DLGAP2: variants seen among roughly 807,000 people sequenced by gnomAD.
DLGAP2 encodes DLG associated protein 2, also known as disks large-associated protein 2.
Under a neutral mutation model 100.3 loss-of-function variants are expected in DLGAP2, and 26 were observed. The observed-to-expected ratio is 0.26, with a 90% CI of 0.19 to 0.36. The LOEUF (loss-of-function observed/expected upper bound fraction) is 0.36, where lower values mean the gene tolerates loss of function less well. Ranked by LOEUF, DLGAP2 falls within the 10% of genes least tolerant of loss-of-function variation. The pLI, the probability that DLGAP2 is intolerant of heterozygous loss-of-function variation, is 1.00. For missense variants in DLGAP2, 1,858 were observed against 1,453.2 expected (o/e 1.28, Z -4.53); for synonymous variants, 886 against 630.1 (o/e 1.41, Z -6.08).
chr8:1,699,676 A>G (rs1799513688), intron 14 of DLGAP2, among the ~76,000 whole-genome samples: 1 of 152,008 alleles, frequency 6.6e-6, no homozygotes, highest in African/African-American at 2.4e-5. Flanking sequence ...CCAGTCCAGA[A>G]AGCGAGCAGA....
chr8:1,269,471 G>A (rs1328262914), intron 3 of DLGAP2, among the ~76,000 whole-genome samples: 3 of 152,154 alleles, frequency 2.0e-5, no homozygotes. Context: ...ACACATTTGA[G>A]CTGAGTTTTA....
chr8:1,175,439 A>C (rs1268642369), intron 2 of DLGAP2, among the ~76,000 whole-genome samples: 3 of 152,226 alleles, frequency 2.0e-5, no homozygotes, highest in Non-Finnish European at 4.4e-5. Flanking sequence ...CTTCATTTAT[A>C]AAAAGGAAAC....
At chr8:1,044,716 C>T (rs531737805) in intron 2 of DLGAP2, among the ~76,000 whole-genome samples, 1 of 152,336 alleles carries the variant, frequency 6.6e-6, no homozygotes, top group East Asian at 1.9e-4. Flanking sequence ...TGCTGAGCTA[C>T]TCCTTGCCAC....
intron 2 of DLGAP2, among the ~76,000 whole-genome samples, chr8:1,173,472 C>T (rs922207551): frequency 2.6e-5 from 4 of 152,176 alleles, no homozygotes; most frequent in Admixed American, 6.5e-5. Flanking sequence ...TTTGTCTGTG[C>T]CCTGCCCCCA....
chr8:858,673 C>G (rs150394686), intron 1 of DLGAP2, among the ~76,000 whole-genome samples: 1 of 150,366 alleles, frequency 6.7e-6, no homozygotes, highest in East Asian at 2.0e-4. Context: ...GATGCTGTCT[C>G]TGTGGGGACA....
intron 2 of DLGAP2, among the ~76,000 whole-genome samples, chr8:1,200,473 C>T (rs547588168): frequency 2.0e-5 from 3 of 152,184 alleles, no homozygotes; most frequent in African/African-American, 4.8e-5. Flanking sequence ...TCCTCATAAA[C>T]CATCCATCTG....
intron 2 of DLGAP2, among the ~76,000 whole-genome samples, chr8:1,163,771 C>T (rs138881253): frequency 1.3e-5 from 2 of 152,296 alleles, no homozygotes; most frequent in Non-Finnish European, 2.9e-5. Context: ...ACTTTCCTGC[C>T]TTCTGTTTTC....
At chr8:831,065 T>A (rs533485326) in intron 1 of DLGAP2, among the ~76,000 whole-genome samples, 5 of 151,980 alleles carry the variant, frequency 3.3e-5, no homozygotes, top group Admixed American at 6.6e-5. Context: ...CTGGCTAATT[T>A]TTTTGTACTT....
chr8:1,478,950 C>A (rs1043847089), intron 3 of DLGAP2, among the ~76,000 whole-genome samples: 4 of 152,230 alleles, frequency 2.6e-5, no homozygotes, highest in African/African-American at 9.6e-5. Context: ...CAGGCTGCAG[C>A]GTTAGCCACA....
intron 3 of DLGAP2, among the ~76,000 whole-genome samples, chr8:1,360,564 C>A (rs1370031269): frequency 6.6e-6 from 1 of 152,170 alleles, no homozygotes; most frequent in African/African-American, 2.4e-5. Flanking sequence ...TCTGGGTGAG[C>A]TGGGCTGGCA....
At chr8:1,138,328 C>T (rs539180095) in intron 2 of DLGAP2, among the ~76,000 whole-genome samples, 26 of 152,190 alleles carry the variant, frequency 1.7e-4, no homozygotes, top group Non-Finnish European at 3.1e-4. Context: ...CGATGAAGAC[C>T]TCACAGGGGG....
chr8:1,298,412 A>G (rs933483239), intron 3 of DLGAP2, among the ~76,000 whole-genome samples: 1 of 152,184 alleles, frequency 6.6e-6, no homozygotes, highest in African/African-American at 2.4e-5. Flanking sequence ...AGACACCAGG[A>G]AGCCCTGGAT....
intron 2 of DLGAP2, among the ~76,000 whole-genome samples, chr8:1,078,126 T>G: frequency 6.6e-6 from 1 of 152,166 alleles, no homozygotes; most frequent in East Asian, 1.9e-4. Flanking sequence ...GGTGAGTCCC[T>G]TCCCTTCCAG....
rs373923344 is a variant in DLGAP2 at position 1,527,921 on chromosome 8, C to CA, written c.173-20693dup. On this transcript the variant is annotated intron_variant, in intron 4 of 14. Coordinates refer to ENST00000637795, the MANE Select transcript of DLGAP2 (RefSeq NM_001346810.2). ...GTTCAACTATGCTTTTAAGTATCTG[C>CA]AAAAAAAAAAAAGTTCATTCAACTG... 1.1e-3 allele frequency among the ~76,000 whole-genome samples: 150 copies of CA among 140,202 alleles called. 2 individuals carry two copies. The highest frequency in any genetic ancestry group is 7.1e-3 in the Middle Eastern group (2 of 280). The allele number at this position is 140,202 out of a possible 152,430, so 92.0% of individuals were successfully genotyped here.
chr8:1,027,396 T>C (rs1406889549), intron 2 of DLGAP2, among the ~76,000 whole-genome samples: 1 of 151,274 alleles, frequency 6.6e-6, no homozygotes, highest in African/African-American at 2.4e-5. Context: ...TGCCCGTTAT[T>C]CTCCAGGTGG....
At chr8:1,196,760 C>A (rs4576448) in intron 2 of DLGAP2, among the ~76,000 whole-genome samples, 1 of 152,148 alleles carries the variant, frequency 6.6e-6, no homozygotes, top group African/African-American at 2.4e-5. Context: ...CCTGTGCCTC[C>A]TGGCTTGGAC....
chr8:1,063,335 C>T (rs898614425), intron 2 of DLGAP2, among the ~76,000 whole-genome samples: 2 of 152,080 alleles, frequency 1.3e-5, no homozygotes, highest in Non-Finnish European at 2.9e-5. Context: ...AAGCATGCTT[C>T]TGAGTGCACA....
At chr8:1,108,220 T>C (rs1410117571) in intron 2 of DLGAP2, among the ~76,000 whole-genome samples, 1 of 152,106 alleles carries the variant, frequency 6.6e-6, no homozygotes, top group Non-Finnish European at 1.5e-5. Context: ...CCAGATGCAT[T>C]TGGAGGCTTT....
intron 3 of DLGAP2, among the ~76,000 whole-genome samples, chr8:1,486,335 G>A (rs1248108480): frequency 6.6e-6 from 1 of 152,202 alleles, no homozygotes; most frequent in Admixed American, 6.5e-5. Flanking sequence ...AAGACAGGTG[G>A]GGCCGGAAGT....
Sources: allele counts gnomAD v4.1 joint callset (sites outside exome capture counted in the v4.1 genomes callset), GRCh38; gene constraint gnomAD v4.1.1; transcripts MANE v1.5; gene names NCBI Gene and HGNC (gene_info 2026-07-23, HGNC 2026-07-21).